Variants in CECR2 observed in about 807,000 individuals in gnomAD.
CECR2 encodes CECR2 histone acetyl-lysine reader, also known as chromatin remodeling regulator CECR2.
CECR2 carries 30 observed loss-of-function variants against 154.5 expected under a neutral mutation model. The observed-to-expected ratio is 0.19, with a 90% CI of 0.15 to 0.26. The LOEUF (loss-of-function observed/expected upper bound fraction) is 0.26, where lower values mean the gene tolerates loss of function less well. Among genes scored for constraint, CECR2 ranks in the 10% least tolerant of loss-of-function variants. The pLI is 1.00. For missense variants in CECR2, 1,743 were observed against 1,829.3 expected (o/e 0.95, Z 0.86); for synonymous variants, 725 against 683.7 (o/e 1.06, Z -0.94).
At chr22:17,545,397 AGAAAT>A (rs2056598083) in intron 16 of CECR2, among the ~76,000 whole-genome samples, 1 of 150,360 alleles carries the variant, frequency 6.7e-6, no homozygotes, top group Non-Finnish European at 1.5e-5. Flanking sequence ...AAAAAAAAAA[AGAAAT>A]GCCGTTTAAG....
rs771112878 is a variant in CECR2 at position 17,549,373 on chromosome 22, T to G, written c.4086T>G (p.Ala1362=). The change falls in exon 17 of 19, where the codon GCT becomes GCG. Residue 1362 remains alanine, a synonymous_variant. Transcript: ENST00000262608. ...QRPASHFQPR[A]YSSPVAALPP... The stretch of plus-strand genomic sequence containing the variant: ...CGGCCAGTCACTTTCAGCCCAGGGC[T>G]TACTCTTCCCCTGTGGCTGCCCTCC... 4 of 1,613,898 alleles carry G rather than the reference T, an allele frequency of 2.5e-6. No homozygotes were observed. Among genetic ancestry groups the G allele is most frequent in the Non-Finnish European group, 3.4e-6 (4 of 1,179,856 alleles).
intron 4 of CECR2, among the ~76,000 whole-genome samples, chr22:17,500,056 A>G (rs1198078128): frequency 5.3e-5 from 8 of 151,988 alleles, no homozygotes; most frequent in African/African-American, 9.7e-5. Flanking sequence ...CTAAAAATAC[A>G]AAAAATTAGC....
chr22:17,528,554 G>A (rs1052765307), intron 9 of CECR2, among the ~76,000 whole-genome samples: 1 of 150,234 alleles, frequency 6.7e-6, no homozygotes, highest in African/African-American at 2.5e-5. Context: ...TGTTATTTTT[G>A]AGACAGAGTC....
intron 1 of CECR2, among the ~76,000 whole-genome samples, chr22:17,378,892 C>T (rs2063153020): frequency 6.6e-6 from 1 of 152,102 alleles, no homozygotes; most frequent in Non-Finnish European, 1.5e-5. Context: ...AAAGTTGCTC[C>T]CAGATGTGAA....
chr22:17,475,163 G>A (rs142615341), intron 1 of CECR2, among the ~76,000 whole-genome samples: 2 of 152,256 alleles, frequency 1.3e-5, no homozygotes, highest in East Asian at 3.9e-4. Flanking sequence ...TGCAGATAAA[G>A]TTTCTCCCGT....
At chr22:17,382,082 A>G (rs1360348035) in intron 1 of CECR2, among the ~76,000 whole-genome samples, 239 of 149,420 alleles carry the variant, frequency 1.6e-3, no homozygotes, top group African/African-American at 2.6e-3. Context: ...AGTAGGGACG[A>G]GGTTTCGCCG....
In CECR2 at chr22:17,548,403, G is replaced by A. The variant is rs779767457; in HGVS notation, c.3116G>A (p.Cys1039Tyr). ...SSYPGPAAQG[C>Y]VRDLSTVADR... ...TACCCCGGCCCAGCCGCCCAAGGGT[G>A]CGTGAGAGACCTCTCCACGGTGGCA... Residue 1039 changes from cysteine (C) to tyrosine (Y), a missense_variant, in exon 17 of 19, where the codon TGC becomes TAC. Physicochemically the swap from Cys to Tyr is radical, Grantham distance 194. Around this residue, in one of 4 missense-constraint regions of CECR2, gnomAD observed 1,250 missense variants for 1,192.1 expected, o/e 1.05. Transcript: ENST00000262608. 4.3e-6 allele frequency: 7 copies of A among 1,613,948 alleles called. No individual in the cohort carries two copies. The South Asian group carries it at 6.6e-5, about 15-fold the overall frequency.
chr22:17,442,239 T>A (rs2054595491), intron 1 of CECR2, among the ~76,000 whole-genome samples: 3 of 152,124 alleles, frequency 2.0e-5, no homozygotes, highest in Non-Finnish European at 4.4e-5. Context: ...TTGGAGCTCA[T>A]GGGAATCCAT....
At chr22:17,499,908 C>G (rs1178400242) in intron 4 of CECR2, among the ~76,000 whole-genome samples, 1 of 152,094 alleles carries the variant, frequency 6.6e-6, no homozygotes, top group Non-Finnish European at 1.5e-5. Context: ...CTTATTTCGA[C>G]TAGAATTAAT....
Position 17,552,128 on chromosome 22 carries a change from C to T in CECR2, c.4375C>T (p.Leu1459Phe), listed in dbSNP as rs1180325318. The change falls in exon 18 of 19, where the codon CTT becomes TTT. Residue 1459 changes from leucine (L) to phenylalanine (F), a missense_variant. Physicochemically the swap from Leu to Phe is conservative, Grantham distance 22. Around this residue, in one of 4 missense-constraint regions of CECR2, gnomAD observed 1,250 missense variants for 1,192.1 expected, o/e 1.05. Coordinates refer to ENST00000262608, the MANE Select transcript of CECR2 (RefSeq NM_001290047.2). ...EEVPPHKPPT[L>F]PLDQS Reference sequence around the variant, plus strand: ...GGTGCCGCCTCATAAGCCTCCAACACTTCCCCTGGATCAGGTAAGGATCAC... The same window carrying T: ...GGTGCCGCCTCATAAGCCTCCAACATTTCCCCTGGATCAGGTAAGGATCAC... 12 of 1,613,886 alleles carry T rather than the reference C, an allele frequency of 7.4e-6. No individual in the cohort carries two copies. The highest frequency in any genetic ancestry group is 5.5e-5 in the South Asian group (5 of 91,086).
At chr22:17,396,650 G>GTAAT (rs2053816523) in intron 1 of CECR2, among the ~76,000 whole-genome samples, 1 of 152,232 alleles carries the variant, frequency 6.6e-6, no homozygotes, top group Non-Finnish European at 1.5e-5. Context: ...AATTGCTGTG[G>GTAAT]TAATGGCAGT....
upstream of CECR2, among the ~76,000 whole-genome samples, chr22:17,368,448 C>T (rs1246518491): frequency 1.3e-5 from 2 of 152,188 alleles, no homozygotes; most frequent in East Asian, 3.8e-4. Flanking sequence ...ATACAAATAT[C>T]TGAGCATTCA....
chr22:17,433,997 G>C (rs946155874), intron 1 of CECR2, among the ~76,000 whole-genome samples: 6 of 152,166 alleles, frequency 3.9e-5, no homozygotes, highest in Non-Finnish European at 7.3e-5. Flanking sequence ...AGTTCCCTGG[G>C]CATAAAACAG....
intron 1 of CECR2, among the ~76,000 whole-genome samples, chr22:17,372,185 C>T (rs541000325): frequency 1.3e-5 from 2 of 152,136 alleles, no homozygotes; most frequent in African/African-American, 4.8e-5. Context: ...TATCCACACT[C>T]GTTTTTATTT....
At chr22:17,527,895 AAGGAC>A (rs1380507043) in intron 9 of CECR2, among the ~76,000 whole-genome samples, 2 of 152,248 alleles carry the variant, frequency 1.3e-5, no homozygotes, top group Non-Finnish European at 2.9e-5. Context: ...TTTATACCCA[AAGGAC>A]AGGCAATAAC....
intron 2 of CECR2, 33 bp downstream of exon 2, chr22:17,477,715 G>T: frequency 1.3e-6 from 2 of 1,497,506 alleles, no homozygotes; most frequent in Non-Finnish European, 9.3e-7. Flanking sequence ...AGCATTTCTT[G>T]CGCCAAGAAC....
At position 17,463,089 on chromosome 22, in the gene CECR2, AGACAGTGACTG is replaced by A. The variant is rs1260629493; in HGVS notation, c.127-14495_127-14485del. On this transcript the variant is annotated intron_variant, in intron 1 of 18. Transcript: ENST00000262608. The stretch of plus-strand genomic sequence containing the variant: ...AAAAATAAAGCAGAGTAGAGGGACG[AGACAGTGACTG>A]GACCTATAGAAAGTGAGGGAGAGGC... Among the ~76,000 whole-genome samples the A allele has an allele frequency of 7.2e-5, 11 of 152,336 alleles. No individual in the cohort carries two copies. In the East Asian group the frequency reaches 2.1e-3, roughly 29 times the overall value.
intron 17 of CECR2, among the ~76,000 whole-genome samples, chr22:17,549,787 T>G (rs1466302842): frequency 7.1e-6 from 1 of 140,236 alleles, no homozygotes; most frequent in Admixed American, 7.3e-5. Context: ...CTTTTTGGTT[T>G]TTTTTTTTTT....
intron 1 of CECR2, among the ~76,000 whole-genome samples, chr22:17,404,652 C>T (rs2053954804): frequency 2.0e-5 from 3 of 151,580 alleles, no homozygotes; most frequent in South Asian, 2.1e-4. Flanking sequence ...GGATTACAGG[C>T]GTGAACCACC....
Sources: allele counts gnomAD v4.1 joint callset (sites outside exome capture counted in the v4.1 genomes callset), GRCh38; gene constraint gnomAD v4.1.1; regional missense constraint gnomAD v4.1.1; transcripts MANE v1.5; gene names NCBI Gene and HGNC (gene_info 2026-07-23, HGNC 2026-07-21).